PCDH15: variants seen among roughly 807,000 people sequenced by gnomAD.
PCDH15 encodes protocadherin related 15.
A neutral mutation model predicts 178.5 loss-of-function variants in PCDH15; 129 were observed. That is an observed-to-expected ratio of 0.72 (90% CI 0.63 to 0.84). PCDH15 has a LOEUF of 0.84. Among genes scored for constraint, PCDH15 ranks in the 40% least tolerant of loss-of-function variants. PCDH15 has a pLI of 0.00. For missense variants in PCDH15, 2,230 were observed against 2,099.9 expected (o/e 1.06, Z -1.21); for synonymous variants, 800 against 732.0 (o/e 1.09, Z -1.50).
chr10:54,475,553 C>T (rs908496258), intron 3 of PCDH15, among the ~76,000 whole-genome samples: 102 of 152,092 alleles, frequency 6.7e-4, no homozygotes, highest in African/African-American at 2.4e-3. Context: ...TGGACCTATA[C>T]AGACCTTTAA....
At chr10:54,499,051 C>T (rs2080393113) in intron 3 of PCDH15, among the ~76,000 whole-genome samples, 1 of 152,104 alleles carries the variant, frequency 6.6e-6, no homozygotes, top group African/African-American at 2.4e-5. Flanking sequence ...TTCCACCAGG[C>T]CCCTCCTCCA....
intron 13 of PCDH15, among the ~76,000 whole-genome samples, chr10:54,176,870 A>G (rs1442884466): frequency 6.6e-6 from 1 of 152,150 alleles, no homozygotes; most frequent in South Asian, 2.1e-4. Context: ...CTCAGTTTCT[A>G]ACAAAGATAT....
chr10:54,986,225 C>G (rs1839360111), intron 2 of PCDH15, among the ~76,000 whole-genome samples: 1 of 151,782 alleles, frequency 6.6e-6, no homozygotes, highest in African/African-American at 2.4e-5. Flanking sequence ...GGGTACTATG[C>G]AGGGGATACA....
intron 16 of PCDH15, among the ~76,000 whole-genome samples, chr10:54,089,668 T>C (rs2094568005): frequency 6.6e-6 from 1 of 152,220 alleles, no homozygotes; most frequent in African/African-American, 2.4e-5. Context: ...TGGTGCTAAG[T>C]AACCCTTTGT....
chr10:55,610,042 C>G (rs1382894769), intron 2 of PCDH15, among the ~76,000 whole-genome samples: 1 of 151,952 alleles, frequency 6.6e-6, no homozygotes. Flanking sequence ...CTGAAAACTT[C>G]CAGAGATATA....
chr10:54,075,648 G>C (rs1050440203), intron 17 of PCDH15, among the ~76,000 whole-genome samples: 1 of 152,044 alleles, frequency 6.6e-6, no homozygotes, highest in African/African-American at 2.4e-5. Flanking sequence ...TTCATTTTAG[G>C]TCATGAATCA....
At chr10:54,663,896 C>T (rs996183092) in intron 2 of PCDH15, among the ~76,000 whole-genome samples, 1 of 151,788 alleles carries the variant, frequency 6.6e-6, no homozygotes, top group African/African-American at 2.4e-5. Context: ...AGAAATTAAG[C>T]ATTTACCTAG....
intron 29 of PCDH15, among the ~76,000 whole-genome samples, chr10:53,839,997 T>G (rs907493338): frequency 1.4e-4 from 21 of 152,284 alleles, no homozygotes; most frequent in African/African-American, 4.6e-4. Flanking sequence ...AATCTGTGCT[T>G]TCCTCATTAA....
chr10:55,517,913 A>G (rs1288918543), intron 2 of PCDH15, among the ~76,000 whole-genome samples: 1 of 151,982 alleles, frequency 6.6e-6, no homozygotes, highest in Non-Finnish European at 1.5e-5. Context: ...TGGCCTATGA[A>G]GATTTGAGCA....
chr10:53,882,050 C>CACAACCTCAGCTCACT (rs879502374), intron 26 of PCDH15, among the ~76,000 whole-genome samples: 141 of 148,538 alleles, frequency 9.5e-4, no homozygotes, highest in Non-Finnish European at 1.8e-3. Context: ...AGTGCAATGG[C>CACAACCTCAGCTCACT]ACAACCTCAG....
chr10:54,074,802 T>C (rs2094310152), intron 17 of PCDH15, among the ~76,000 whole-genome samples: 1 of 152,188 alleles, frequency 6.6e-6, no homozygotes, highest in East Asian at 1.9e-4. Context: ...CCATTTTACA[T>C]TCTCACCAAT....
chr10:53,822,970 T>C (rs142253172), intron 32 of PCDH15: 1 of 1,614,110 alleles, frequency 6.2e-7, no homozygotes, highest in East Asian at 2.2e-5. Context: ...GGAACTTTCC[T>C]CATCAGCCTC....
intron 18 of PCDH15, among the ~76,000 whole-genome samples, chr10:54,043,007 C>T (rs1441663898): frequency 6.6e-6 from 1 of 151,920 alleles, no homozygotes; most frequent in Admixed American, 6.6e-5. Context: ...TTGGAATTTG[C>T]TAATTTGCTA....
chr10:55,087,049 A>C (rs1842189135), intron 2 of PCDH15, among the ~76,000 whole-genome samples: 1 of 151,994 alleles, frequency 6.6e-6, no homozygotes, highest in African/African-American at 2.4e-5. Context: ...AAAGAAAGCT[A>C]CTCTCTCAAG....
chr10:55,560,943 C>T (rs1842185356), intron 2 of PCDH15, among the ~76,000 whole-genome samples: 1 of 151,776 alleles, frequency 6.6e-6, no homozygotes, highest in African/African-American at 2.4e-5. Flanking sequence ...AGTCAAATTT[C>T]ACAATTTTAT....
chr10:55,074,105 T>A (rs1306105469), intron 2 of PCDH15, among the ~76,000 whole-genome samples: 4 of 152,138 alleles, frequency 2.6e-5, no homozygotes, highest in Admixed American at 2.0e-4. Context: ...CTTTATTCAG[T>A]CTATTATTGA....
chr10:55,098,717 C>T (rs531580649), intron 2 of PCDH15, among the ~76,000 whole-genome samples: 5 of 152,152 alleles, frequency 3.3e-5, no homozygotes, highest in African/African-American at 9.6e-5. Context: ...AACCAATTTG[C>T]GGGCTCTATG....
At chr10:54,319,787 A>T (rs997001532) in intron 7 of PCDH15, among the ~76,000 whole-genome samples, 2 of 95,252 alleles carry the variant, frequency 2.1e-5, no homozygotes, top group South Asian at 6.5e-4. Context: ...CCTTCCAATT[A>T]AAAAAAAAGT....
chr10:55,616,429 C>A (rs1340348790), intron 2 of PCDH15, among the ~76,000 whole-genome samples: 3 of 151,206 alleles, frequency 2.0e-5, no homozygotes, highest in Non-Finnish European at 4.4e-5. Context: ...TGCAGACAAC[C>A]ATGTATTAAT....
Sources: gnomAD v4.1 joint callset for allele counts (sites outside exome capture counted in the v4.1 genomes callset) on GRCh38, gnomAD v4.1.1 for gene constraint, MANE v1.5 for transcripts, NCBI Gene and HGNC (gene_info 2026-07-23, HGNC 2026-07-21) for gene names.